The following FABP7 variants were observed in gnomAD, a reference collection of about 807,000 sequenced individuals.
The protein encoded by FABP7 is fatty acid binding protein 7, also known as fatty acid-binding protein, brain.
Under a neutral mutation model 14.2 loss-of-function variants are expected in FABP7, and 13 were observed. The observed-to-expected ratio is 0.91, with a 90% CI of 0.59 to 1.45. The LOEUF is 1.45. Among genes scored for constraint, FABP7 ranks in the 40% most tolerant of loss-of-function variants. FABP7 has a pLI of 0.00. For synonymous variants in FABP7, 49 were observed against 51.4 expected (o/e 0.95, Z 0.20); for missense variants, 149 against 157.6 (o/e 0.95, Z 0.29).
the FABP7 span, among the ~76,000 whole-genome samples, chr6:122,752,590 C>T: frequency 3.9e-5 from 6 of 152,196 alleles, no homozygotes; most frequent in Non-Finnish European, 7.3e-5. Flanking sequence ...GAGGAAACTT[C>T]TTGCATAAGG....
the FABP7 span, among the ~76,000 whole-genome samples, chr6:122,756,238 C>T: frequency 6.6e-6 from 1 of 152,136 alleles, no homozygotes; most frequent in Non-Finnish European, 1.5e-5. Context: ...GCTCATTCTT[C>T]CCCCAAGCTT....
At chr6:122,764,563 CAAAGA>C in the FABP7 span, among the ~76,000 whole-genome samples, 6 of 152,002 alleles carry the variant, frequency 3.9e-5, no homozygotes, top group East Asian at 1.2e-3. Context: ...ACAAACAAGA[CAAAGA>C]AAAGATGTTC....
chr6:122,779,314 C>T (rs1320016299), upstream of FABP7, among the ~76,000 whole-genome samples: 2 of 152,226 alleles, frequency 1.3e-5, no homozygotes, highest in East Asian at 3.9e-4. Flanking sequence ...TTGTGACCAG[C>T]TTTGTCATTA....
chr6:122,749,993 A>G, the FABP7 span, among the ~76,000 whole-genome samples: 1 of 152,236 alleles, frequency 6.6e-6, no homozygotes, highest in Non-Finnish European at 1.5e-5. Flanking sequence ...TAGACATAAC[A>G]TGAATTGTGA....
chr6:122,777,224 T>C (rs183692562), upstream of FABP7, among the ~76,000 whole-genome samples: 284 of 152,328 alleles, frequency 1.9e-3, 1 homozygote, highest in African/African-American at 6.2e-3. Context: ...AAACGTGTTT[T>C]ATTAGATGAA....
chr6:122,775,510 A>G (rs1247294572), upstream of FABP7, among the ~76,000 whole-genome samples: 1 of 152,146 alleles, frequency 6.6e-6, no homozygotes, highest in Non-Finnish European at 1.5e-5. Context: ...TGAAAATCCA[A>G]TTAAAATGAA....
the FABP7 span, among the ~76,000 whole-genome samples, chr6:122,755,334 C>A: frequency 6.6e-6 from 1 of 151,820 alleles, no homozygotes; most frequent in Non-Finnish European, 1.5e-5. Context: ...ATTTACGTTA[C>A]ATCTCATTAT....
At chr6:122,782,544 GA>G (rs2115147189) in intron 3 of FABP7, 1 of 984,890 alleles carries the variant, frequency 1.0e-6, no homozygotes, top group East Asian at 1.1e-4. Context: ...CAAACTAGGA[GA>G]AATATTATGC....
the FABP7 span, among the ~76,000 whole-genome samples, chr6:122,764,068 G>C: frequency 3.3e-5 from 5 of 152,086 alleles, no homozygotes; most frequent in Non-Finnish European, 4.4e-5. Flanking sequence ...TATAAATCAT[G>C]CTACAAAGAC....
chr6:122,780,051 A>G (rs1039024509), intron 1 of FABP7, among the ~76,000 whole-genome samples, 184 bp downstream of exon 1: 6 of 152,186 alleles, frequency 3.9e-5, no homozygotes, highest in African/African-American at 1.4e-4. Flanking sequence ...CTTCTTACCC[A>G]GGGCCAATAA....
intron 3 of FABP7, chr6:122,783,015 GA>G: frequency 1.0e-6 from 1 of 985,332 alleles, no homozygotes; most frequent in Non-Finnish European, 1.2e-6. Context: ...GTTCAAAAAG[GA>G]AGACTAAAGC....
chr6:122,775,856 AAAC>A (rs1464083116), upstream of FABP7, among the ~76,000 whole-genome samples: 27 of 152,134 alleles, frequency 1.8e-4, no homozygotes, highest in East Asian at 3.7e-3. Flanking sequence ...AACAAACAAA[AAAC>A]AAATTATCTG....
chr6:122,769,970 C>T, the FABP7 span, among the ~76,000 whole-genome samples: 12 of 152,144 alleles, frequency 7.9e-5, no homozygotes, highest in East Asian at 2.1e-3. Context: ...AGAAATATTG[C>T]AGATTTCAAT....
At chr6:122,750,256 T>C in the FABP7 span, among the ~76,000 whole-genome samples, 1 of 152,160 alleles carries the variant, frequency 6.6e-6, no homozygotes, top group Non-Finnish European at 1.5e-5. Context: ...TTTGATGAAA[T>C]AGTATTCAAG....
chr6:122,773,636 C>A, the FABP7 span, among the ~76,000 whole-genome samples: 1 of 152,122 alleles, frequency 6.6e-6, no homozygotes, highest in Non-Finnish European at 1.5e-5. Flanking sequence ...AGAAAGAGAA[C>A]CTCAAGCAGC....
the FABP7 span, among the ~76,000 whole-genome samples, chr6:122,759,159 T>C: frequency 2.0e-5 from 3 of 152,198 alleles, no homozygotes; most frequent in African/African-American, 7.2e-5. Context: ...GCCTTTCCTT[T>C]TTGTAGAGTA....
the FABP7 span, among the ~76,000 whole-genome samples, chr6:122,764,859 T>C: frequency 1.3e-5 from 2 of 152,172 alleles, no homozygotes; most frequent in Non-Finnish European, 2.9e-5. Flanking sequence ...ACAGCAAAAC[T>C]TGATCTTGTC....
chr6:122,774,391 G>C, the FABP7 span, among the ~76,000 whole-genome samples: 2 of 22,312 alleles, frequency 9.0e-5, no homozygotes, highest in African/African-American at 1.6e-4. Context: ...AAAAAAGACA[G>C]AGAGAGAGAG....
chr6:122,781,739 C>CTT, intron 3 of FABP7: 1 of 728,660 alleles, frequency 1.4e-6, no homozygotes, highest in Non-Finnish European at 1.6e-6. Context: ...CAGTGATAAC[C>CTT]CTTTTTTTTT....
Sources: gnomAD v4.1 joint callset for allele counts (sites outside exome capture counted in the v4.1 genomes callset) on GRCh38, gnomAD v4.1.1 for gene constraint, MANE v1.5 for transcripts, NCBI Gene and HGNC (gene_info 2026-07-23, HGNC 2026-07-21) for gene names.